Variants in ANAPC1 observed in about 807,000 individuals in gnomAD.
The protein encoded by ANAPC1 is anaphase promoting complex subunit 1, also known as anaphase-promoting complex subunit 1.
A neutral mutation model predicts 208.0 loss-of-function variants in ANAPC1; 36 were observed. The ratio of observed to expected loss-of-function variants is 0.17; its 90% CI spans 0.13 to 0.23. ANAPC1 has a LOEUF of 0.23. Ranked by LOEUF, ANAPC1 falls within the 10% of genes least tolerant of loss-of-function variation. The probability of loss-of-function intolerance (pLI) is 1.00; values close to 1 mark genes in which losing one functional copy is unlikely to be tolerated. For synonymous variants in ANAPC1, 378 were observed against 695.2 expected (o/e 0.54, Z 7.18); for missense variants, 942 against 2,011.6 (o/e 0.47, Z 10.17).
intron 33 of ANAPC1, among the ~76,000 whole-genome samples, chr2:111,801,855 C>T (rs1678460753): frequency 6.6e-6 from 1 of 151,546 alleles, no homozygotes; most frequent in African/African-American, 2.4e-5. Flanking sequence ...AGAATCATAG[C>T]TCTATCTACA....
rs372736708 is a variant in ANAPC1, at chr2:111,825,055, T to C, written c.2742-19A>G. ...ACTAAACCTATAAGAGAATAAAACATAAAGTTATTAAGCAGAACAGTAAAT... is the reference window on the plus strand; with the variant it reads ...ACTAAACCTATAAGAGAATAAAACACAAAGTTATTAAGCAGAACAGTAAAT... On this transcript the variant is annotated intron_variant, in intron 23 of 47. Coordinates refer to ENST00000341068, the MANE Select transcript of ANAPC1 (RefSeq NM_022662.4). 1.1e-5 allele frequency: 18 copies of C among 1,613,662 alleles called. No homozygotes were observed. In the African/African-American group the frequency reaches 1.9e-4, roughly 17 times the overall value.
rs73956899 is a variant in ANAPC1, at chr2:111,868,207, C to G, written c.612-111G>C. ...GATTACATGAGCAACTAGAAACCTA[C>G]TATCTCAAAATGCAATCTTCTAAAC... On this transcript the variant is annotated intron_variant, in intron 6 of 47. Coordinates refer to ENST00000341068, the MANE Select transcript of ANAPC1 (RefSeq NM_022662.4). The G allele has an allele frequency of 7.3e-3, 4,280 of 586,434 alleles. 131 individuals are homozygous for G. The highest frequency in any genetic ancestry group is 0.072 in the African/African-American group (3,762 of 52,170). The allele number at this position is 586,434 out of a possible 1,614,324, so 36.3% of individuals were successfully genotyped here. A position where few individuals can be genotyped will look rare whatever the true frequency, so the allele number is the denominator to read the frequency against.
intron 29 of ANAPC1, among the ~76,000 whole-genome samples, chr2:111,806,882 G>C (rs1678706834): frequency 7.1e-6 from 1 of 141,710 alleles, no homozygotes; most frequent in East Asian, 2.1e-4. Context: ...ATCCCTATAG[G>C]AAAAAAATGC....
At chr2:111,872,779 G>A (rs543776036) in intron 5 of ANAPC1, 67 bp from the exon 6 acceptor site, 3 of 997,240 alleles carry the variant, frequency 3.0e-6, no homozygotes, top group Non-Finnish European at 4.6e-6. Context: ...ATGTTTTAAA[G>A]AAACATTACA....
At chr2:111,827,775 T>TA (rs1292634145) in intron 21 of ANAPC1, among the ~76,000 whole-genome samples, 1 of 151,450 alleles carries the variant, frequency 6.6e-6, no homozygotes, top group Admixed American at 6.6e-5. Context: ...AAATAAAAAA[T>TA]AAAAAAAGTC....
At chr2:111,798,641 C>T (rs1678279693) in intron 34 of ANAPC1, among the ~76,000 whole-genome samples, 4 of 151,898 alleles carry the variant, frequency 2.6e-5, no homozygotes, top group Admixed American at 2.6e-4. Flanking sequence ...AAAAAACTGA[C>T]AAATCAGACA....
intron 7 of ANAPC1, among the ~76,000 whole-genome samples, chr2:111,866,800 T>TAAAAAAAA (rs59286666): frequency 1.6e-5 from 2 of 123,236 alleles, no homozygotes; most frequent in South Asian, 2.6e-4. Flanking sequence ...AAATTGTACT[T>TAAAAAAAA]AAAAAAAAAA....
intron 27 of ANAPC1, among the ~76,000 whole-genome samples, chr2:111,816,573 ATTC>A (rs1361358418): frequency 1.4e-5 from 2 of 147,134 alleles, no homozygotes; most frequent in African/African-American, 5.0e-5. Context: ...TTTTTTCTTG[ATTC>A]TTTTCTTTTT....
chr2:111,858,240 G>GAAAAGA, intron 11 of ANAPC1, 66 bp downstream of exon 11: 1 of 1,239,092 alleles, frequency 8.1e-7, no homozygotes, highest in Non-Finnish European at 1.1e-6. Flanking sequence ...AAAAAGGAAA[G>GAAAAGA]AAAAGAAAAA....
At position 111,884,010 on chromosome 2, in the gene ANAPC1, G is replaced by C. The variant is rs1558753639; in HGVS notation, c.-93C>G. 6.6e-6 allele frequency: 1 copy of C among 152,454 alleles called. No individual in the cohort carries two copies. The highest frequency in any genetic ancestry group is 1.5e-5 in the Non-Finnish European group (1 of 68,218). 9.4% of individuals were successfully genotyped at this position (152,454 alleles called of 1,614,324 possible). On this transcript the variant is annotated 5_prime_UTR_variant, in exon 1 of 48. Coordinates refer to ENST00000341068, the MANE Select transcript of ANAPC1 (RefSeq NM_022662.4). ...TCCCCGGAGGCGCAGGGGCCGAGGA[G>C]GCCCGAGGGCAGCGGCGGGGTCCTT...
intron 21 of ANAPC1, among the ~76,000 whole-genome samples, chr2:111,826,792 C>T (rs182067553): frequency 2.8e-4 from 43 of 152,052 alleles, no homozygotes; most frequent in Admixed American, 5.9e-4. Flanking sequence ...TCCAGAGTGG[C>T]TGGGATTACA....
At position 111,872,695 on chromosome 2, in the gene ANAPC1, G is replaced by T; in HGVS notation, c.546C>A (p.Pro182=). The T allele has an allele frequency of 6.2e-7, 1 of 1,613,432 alleles. No individual in the cohort carries two copies. Among genetic ancestry groups the T allele is most frequent in the Non-Finnish European group, 8.5e-7 (1 of 1,179,484 alleles). Reference sequence around the variant, plus strand: ...GTTCAAACAGCAATCCATATTTAGTGGGCCAAACATTTGCAACCTTTCAGG... The same window carrying T: ...GTTCAAACAGCAATCCATATTTAGTTGGCCAAACATTTGCAACCTTTCAGG... ...SLPFQVANVW[P]TKYGLLFERS... is the part of the protein sequence containing the mutation. The change falls in exon 6 of 48, where the codon CCC becomes CCA. Residue 182 remains proline (P), a synonymous_variant. Transcript: ENST00000341068.
At chr2:111,816,009 T>C (rs1278215393) in intron 27 of ANAPC1, among the ~76,000 whole-genome samples, 1 of 152,238 alleles carries the variant, frequency 6.6e-6, no homozygotes, top group Non-Finnish European at 1.5e-5. Flanking sequence ...ACTGTTAAAC[T>C]ATACAAGTTA....
At chr2:111,880,060 T>G (rs1023288043) in intron 2 of ANAPC1, among the ~76,000 whole-genome samples, 1 of 152,054 alleles carries the variant, frequency 6.6e-6, no homozygotes, top group Non-Finnish European at 1.5e-5. Flanking sequence ...ATCATACTAC[T>G]GAACCTGACT....
intron 1 of ANAPC1, among the ~76,000 whole-genome samples, chr2:111,882,869 T>C (rs778870594): frequency 6.6e-6 from 1 of 151,210 alleles, no homozygotes; most frequent in South Asian, 2.1e-4. Context: ...AAAAAGTGCC[T>C]TATAAAACTT....
chr2:111,810,420 A>G (rs1678914404), intron 28 of ANAPC1, among the ~76,000 whole-genome samples: 1 of 152,216 alleles, frequency 6.6e-6, no homozygotes, highest in African/African-American at 2.4e-5. Context: ...CTGTGAATAC[A>G]CTAAAAACCA....
intron 2 of ANAPC1, among the ~76,000 whole-genome samples, chr2:111,879,812 CG>C (rs1477265424): frequency 6.6e-6 from 1 of 151,664 alleles, no homozygotes; most frequent in Non-Finnish European, 1.5e-5. Context: ...GCAGAGGTTG[CG>C]GTGAGCTGAG....
intron 1 of ANAPC1, among the ~76,000 whole-genome samples, chr2:111,882,768 T>C (rs1573534863): frequency 6.7e-6 from 1 of 150,048 alleles, no homozygotes; most frequent in Admixed American, 6.6e-5. Flanking sequence ...TTATTCTGGA[T>C]ATAATTATGT....
intron 1 of ANAPC1, among the ~76,000 whole-genome samples, chr2:111,882,028 C>CA (rs1230405498): frequency 1.3e-5 from 2 of 151,978 alleles, no homozygotes; most frequent in Non-Finnish European, 1.5e-5. Context: ...ACTAAAAATA[C>CA]AAAAAATTAG....
Sources: allele counts gnomAD v4.1 joint callset (sites outside exome capture counted in the v4.1 genomes callset), GRCh38; gene constraint gnomAD v4.1.1; transcripts MANE v1.5; gene names NCBI Gene and HGNC (gene_info 2026-07-23, HGNC 2026-07-21).